The following RIN2 variants were observed in gnomAD, a reference collection of about 807,000 sequenced individuals.
The protein encoded by RIN2 is Ras and Rab interactor 2.
RIN2 carries 36 observed loss-of-function variants against 78.0 expected under a neutral mutation model. The ratio of observed to expected loss-of-function variants is 0.46; its 90% CI spans 0.35 to 0.61. The LOEUF is 0.61. RIN2 is among the 20% of genes least tolerant of loss of function. The probability of loss-of-function intolerance (pLI) is 0.00; values close to 1 mark genes in which losing one functional copy is unlikely to be tolerated. For synonymous variants in RIN2, 466 were observed against 466.8 expected (o/e 1.00, Z 0.02); for missense variants, 1,087 against 1,159.7 (o/e 0.94, Z 0.91).
chr20:19,856,126 C>G (rs1477225790), intron 2 of RIN2, among the ~76,000 whole-genome samples: 4 of 152,044 alleles, frequency 2.6e-5, no homozygotes, highest in Non-Finnish European at 4.4e-5. Context: ...CATGAATGTC[C>G]TTGAAAGATC....
In RIN2 at chr20:19,851,030, G is replaced by GAGA. The variant is rs778268524; in HGVS notation, c.-36-38535_-36-38534insGAA. Among the ~76,000 whole-genome samples the GAGA allele has an allele frequency of 8.7e-3, 920 of 106,114 alleles. 13 individuals carry two copies. The highest frequency in any genetic ancestry group is 0.033 in the African/African-American group (866 of 25,872). The allele number at this position is 106,114 out of a possible 152,430, so 69.6% of individuals were successfully genotyped here. A position where few individuals can be genotyped will look rare whatever the true frequency, so the allele number is the denominator to read the frequency against. ...GGAAGGAAGGAAGGAAGGAAGGAAG[G>GAGA]AAGGAAGGAAGGAAGGAAGGAGAAA... On this transcript the variant is annotated intron_variant, in intron 2 of 12. Transcript: ENST00000255006.
Position 19,996,857 on chromosome 20 carries a change from AC to A in RIN2, c.2364+19del. Reference sequence around the variant, plus strand: ...ACGACTTCCAGGTGTGCAGCTGGCCACCCCTTTGCTTCCTTCGTCCTCCAGG... The same window carrying A: ...ACGACTTCCAGGTGTGCAGCTGGCCACCCTTTGCTTCCTTCGTCCTCCAGG... On this transcript the variant is annotated intron_variant, in intron 12 of 12. Coordinates refer to ENST00000255006, the MANE Select transcript of RIN2 (RefSeq NM_018993.4). The A allele has an allele frequency of 1.3e-6, 2 of 1,564,180 alleles. No individual in the cohort carries two copies. Among genetic ancestry groups the A allele is most frequent in the Admixed American group, 1.9e-5 (1 of 53,392 alleles).
intron 1 of RIN2, among the ~76,000 whole-genome samples, chr20:19,775,596 T>C (rs2034282253): frequency 6.6e-6 from 1 of 152,376 alleles, no homozygotes; most frequent in East Asian, 1.9e-4. Context: ...CATGTGCTAT[T>C]TATTGTATAC....
At chr20:19,880,373 T>A (rs10485595) in intron 2 of RIN2, among the ~76,000 whole-genome samples, 5,982 of 150,264 alleles carry the variant, frequency 0.04, 376 homozygotes, top group African/African-American at 0.13. Flanking sequence ...TATCATCTTA[T>A]GCTTTAGAGG....
At chr20:19,978,299 G>GTATTATCCAT (rs1568696076) in intron 9 of RIN2, among the ~76,000 whole-genome samples, 1 of 152,188 alleles carries the variant, frequency 6.6e-6, no homozygotes, top group East Asian at 1.9e-4. Flanking sequence ...ATAATACACT[G>GTATTATCCAT]GTTTAATCCA....
At chr20:19,961,346 G>A (rs1166711483) in intron 6 of RIN2, among the ~76,000 whole-genome samples, 3 of 152,200 alleles carry the variant, frequency 2.0e-5, no homozygotes, top group Non-Finnish European at 4.4e-5. Context: ...GGAGAGTGGT[G>A]TTCAGAAGTG....
intron 3 of RIN2, among the ~76,000 whole-genome samples, chr20:19,908,490 CAAA>C (rs11482794): frequency 1.8e-5 from 2 of 110,758 alleles, no homozygotes; most frequent in African/African-American, 3.1e-5. Flanking sequence ...GACTCCGTCT[CAAA>C]AAAAAAAAAA....
At chr20:19,953,242 C>T (rs1350890543) in intron 4 of RIN2, among the ~76,000 whole-genome samples, 1 of 152,072 alleles carries the variant, frequency 6.6e-6, no homozygotes, top group Non-Finnish European at 1.5e-5. Flanking sequence ...ATGTTCAAGG[C>T]TGCCTCAGCC....
At chr20:19,856,276 C>T (rs1304030260) in intron 2 of RIN2, among the ~76,000 whole-genome samples, 1 of 151,994 alleles carries the variant, frequency 6.6e-6, no homozygotes, top group Non-Finnish European at 1.5e-5. Flanking sequence ...AGAGTTATTT[C>T]AATAAGATTA....
chr20:19,796,098 A>AAG (rs35641031), intron 1 of RIN2, among the ~76,000 whole-genome samples: 66,051 of 151,718 alleles, frequency 0.44, 19,257 homozygotes, highest in African/African-American at 0.84. Flanking sequence ...AAAAAAAGAA[A>AAG]AGAAAAGAAA....
intron 2 of RIN2, among the ~76,000 whole-genome samples, chr20:19,848,534 C>CAAAAAAAA (rs11352724): frequency 1.9e-5 from 1 of 52,830 alleles, no homozygotes; most frequent in African/African-American, 5.7e-5. Context: ...GACTCCATCT[C>CAAAAAAAA]AAAAAAAAAA....
intron 3 of RIN2, among the ~76,000 whole-genome samples, chr20:19,924,920 G>A (rs2040163397): frequency 1.3e-5 from 2 of 149,354 alleles, no homozygotes; most frequent in Non-Finnish European, 3.0e-5. Flanking sequence ...TGTATTTTTA[G>A]TAGAGATAGG....
rs191744369 is a variant in RIN2, at chr20:19,967,517, G to A, written c.536+2493G>A. ...CTGGTGTTTCACACAGCATGCATAT[G>A]CAAATATGCATTGCACAAGAGAATT... On this transcript the variant is annotated intron_variant, in intron 7 of 12. Coordinates refer to ENST00000255006, the MANE Select transcript of RIN2 (RefSeq NM_018993.4). 3.9e-5 allele frequency among the ~76,000 whole-genome samples: 6 copies of A among 152,348 alleles called. No homozygotes were observed. In the East Asian group the frequency reaches 1.2e-3, roughly 29 times the overall value.
chr20:19,913,848 G>T (rs1445625310), intron 3 of RIN2, among the ~76,000 whole-genome samples: 4 of 152,200 alleles, frequency 2.6e-5, no homozygotes, highest in Non-Finnish European at 5.9e-5. Flanking sequence ...GACACTGGGT[G>T]CTTCTACCTT....
chr20:19,853,076 C>T (rs796871319), intron 2 of RIN2, among the ~76,000 whole-genome samples: 11 of 145,508 alleles, frequency 7.6e-5, no homozygotes, highest in African/African-American at 2.8e-4. Flanking sequence ...TGTTCCCCTT[C>T]CTGTGTCCAT....
At chr20:19,917,964 A>C (rs2039753496) in intron 3 of RIN2, among the ~76,000 whole-genome samples, 3 of 152,352 alleles carry the variant, frequency 2.0e-5, no homozygotes, top group South Asian at 4.1e-4. Context: ...GAAATGCTGA[A>C]TCCAACAGTT....
chr20:19,906,726 T>C (rs2039235794), intron 3 of RIN2, among the ~76,000 whole-genome samples: 1 of 152,198 alleles, frequency 6.6e-6, no homozygotes, highest in African/African-American at 2.4e-5. Flanking sequence ...TTTTTTTGTT[T>C]AAGTCTCCTG....
At chr20:19,803,259 T>C (rs2035304668) in intron 2 of RIN2, among the ~76,000 whole-genome samples, 1 of 152,340 alleles carries the variant, frequency 6.6e-6, no homozygotes, top group Middle Eastern at 3.4e-3. Flanking sequence ...CAAGTCTTGC[T>C]GGAAAATAAC....
intron 2 of RIN2, among the ~76,000 whole-genome samples, chr20:19,830,870 G>A (rs910583456): frequency 2.0e-5 from 3 of 152,194 alleles, no homozygotes; most frequent in South Asian, 2.1e-4. Flanking sequence ...TGATGCTGGT[G>A]GGGGTACAAT....
Sources: allele counts gnomAD v4.1 joint callset (sites outside exome capture counted in the v4.1 genomes callset), GRCh38; gene constraint gnomAD v4.1.1; transcripts MANE v1.5; gene names NCBI Gene and HGNC (gene_info 2026-07-23, HGNC 2026-07-21).